The following ABTB2 variants were observed in gnomAD, a reference collection of about 807,000 sequenced individuals.
ABTB2 encodes the protein ankyrin repeat and BTB/POZ domain-containing protein 2.
A neutral mutation model predicts 104.1 loss-of-function variants in ABTB2; 56 were observed. The observed-to-expected ratio is 0.54, with a 90% CI of 0.43 to 0.67. The LOEUF (loss-of-function observed/expected upper bound fraction) is 0.67, where lower values mean the gene tolerates loss of function less well. Among genes scored for constraint, ABTB2 ranks in the 30% least tolerant of loss-of-function variants. The pLI is 0.00. For missense variants in ABTB2, 1,279 were observed against 1,407.7 expected, an observed-to-expected ratio of 0.91 and a Z score of 1.46; for synonymous variants, 606 against 608.2, an observed-to-expected ratio of 1.00 and a Z score of 0.05.
Position 34,167,311 on chromosome 11 carries a change from T to A in ABTB2, c.1703A>T (p.His568Leu), listed in dbSNP as rs1852814060. Reference sequence around the variant, plus strand: ...CACAGCGAATGTCAGTGAGGTCCAGTGCCGGCTGTCGGGGTGGATGGAAGG... The same window carrying A: ...CACAGCGAATGTCAGTGAGGTCCAGAGCCGGCTGTCGGGGTGGATGGAAGG... ...RHPSIHPDSR[H>L]WTSLTFAVLH... Residue 568 changes from histidine to leucine, a missense_variant, in exon 7 of 17, where the codon CAC (histidine) becomes CTC (leucine). Coordinates refer to ENST00000435224, the MANE Select transcript of ABTB2 (RefSeq NM_145804.3). 6.2e-7 allele frequency: 1 copy of A among 1,613,518 alleles called. No homozygotes were observed. The highest frequency in any genetic ancestry group is 2.2e-5 in the East Asian group (1 of 44,866).
intron 3 of ABTB2, among the ~76,000 whole-genome samples, chr11:34,186,265 G>A (rs1447564018): frequency 1.3e-5 from 2 of 152,232 alleles, no homozygotes; most frequent in Non-Finnish European, 2.9e-5. Context: ...CAGTCAAAGC[G>A]GGGAGGGGCA....
intron 1 of ABTB2, among the ~76,000 whole-genome samples, chr11:34,307,018 C>G (rs1397445617): frequency 6.9e-6 from 1 of 145,398 alleles, no homozygotes; most frequent in East Asian, 2.0e-4. Flanking sequence ...AGAAAAAAAG[C>G]AGACGAACTT....
chr11:34,168,123 G>C (rs1590204946), intron 5 of ABTB2, 131 bp from the exon 6 acceptor site: 1 of 899,768 alleles, frequency 1.1e-6, no homozygotes, highest in East Asian at 2.6e-5. Context: ...TGGTCCCCCA[G>C]GCTCTGTGCT....
At chr11:34,307,048 G>A in intron 1 of ABTB2, among the ~76,000 whole-genome samples, 1 of 151,398 alleles carries the variant, frequency 6.6e-6, no homozygotes, top group South Asian at 2.1e-4. Context: ...TCAGTAAAGG[G>A]CCACTGCGTG....
At position 34,170,996 on chromosome 11, in the gene ABTB2, A is replaced by C; in HGVS notation, c.1473T>G (p.Gly491=). 1 of 1,614,122 alleles carries C rather than the reference A, an allele frequency of 6.2e-7. No individual in the cohort carries two copies. The highest frequency in any genetic ancestry group is 2.2e-5 in the East Asian group (1 of 44,884). ...AATEKFNQDL[G]FRMLNCGRTD... ...TCCTCCCACAGTTGAGCATGCGGAA[A>C]CCCAGGTCCTGGTTGAATTTTTCAG... The change falls in exon 5 of 17, where the codon GGT becomes GGG. Residue 491 remains glycine, a synonymous_variant. Transcript: ENST00000435224.
intron 1 of ABTB2, among the ~76,000 whole-genome samples, chr11:34,268,996 T>C (rs1024111772): frequency 1.3e-5 from 2 of 152,114 alleles, no homozygotes; most frequent in African/African-American, 4.8e-5. Context: ...CTTCAACATA[T>C]CTTCTGGGGG....
At chr11:34,316,558 C>A (rs146743625) in intron 1 of ABTB2, among the ~76,000 whole-genome samples, 1 of 152,110 alleles carries the variant, frequency 6.6e-6, no homozygotes, top group Non-Finnish European at 1.5e-5. Flanking sequence ...GAGTGGCAAA[C>A]GTGTTTGTCG....
At chr11:34,290,764 G>T (rs985621968) in intron 1 of ABTB2, among the ~76,000 whole-genome samples, 3 of 152,226 alleles carry the variant, frequency 2.0e-5, no homozygotes, top group Non-Finnish European at 2.9e-5. Context: ...AGTGTGTGCT[G>T]CAGAGGAGAG....
chr11:34,291,024 C>T (rs1218485000), intron 1 of ABTB2, among the ~76,000 whole-genome samples: 1 of 152,230 alleles, frequency 6.6e-6, no homozygotes, highest in Non-Finnish European at 1.5e-5. Context: ...ATCTGAAAGC[C>T]TTCATCTGCC....
intron 1 of ABTB2, among the ~76,000 whole-genome samples, chr11:34,208,643 A>G (rs533210135): frequency 1.3e-5 from 2 of 151,786 alleles, no homozygotes; most frequent in South Asian, 4.2e-4. Context: ...TGCTTGCCCA[A>G]CCCTTGAATC....
chr11:34,257,619 C>T (rs981870173), intron 1 of ABTB2, among the ~76,000 whole-genome samples: 2 of 152,174 alleles, frequency 1.3e-5, no homozygotes, highest in South Asian at 2.1e-4. Flanking sequence ...GACAGGATTT[C>T]GCTCTGTTGC....
chr11:34,260,513 G>A (rs997210927), intron 1 of ABTB2, among the ~76,000 whole-genome samples: 8 of 152,180 alleles, frequency 5.3e-5, no homozygotes, highest in Non-Finnish European at 1.0e-4. Flanking sequence ...AAAGGCAGCG[G>A]AATCCCCAGA....
At chr11:34,257,082 C>T (rs1854132475) in intron 1 of ABTB2, among the ~76,000 whole-genome samples, 1 of 152,214 alleles carries the variant, frequency 6.6e-6, no homozygotes, top group African/African-American at 2.4e-5. Context: ...AGTGCAACTT[C>T]ATTATTCCTC....
At chr11:34,350,910 G>A (rs1287654554) in intron 1 of ABTB2, among the ~76,000 whole-genome samples, 3 of 152,190 alleles carry the variant, frequency 2.0e-5, no homozygotes, top group Non-Finnish European at 2.9e-5. Flanking sequence ...TGGACTCATG[G>A]AGACCTCTCA....
intron 3 of ABTB2, among the ~76,000 whole-genome samples, chr11:34,176,279 CAAAAAAA>C (rs58009507): frequency 2.7e-5 from 2 of 74,830 alleles, no homozygotes; most frequent in East Asian, 4.4e-4. Flanking sequence ...GACTCCGTCT[CAAAAAAA>C]AAAAAAAAAA....
At chr11:34,233,031 G>A (rs998842287) in intron 1 of ABTB2, among the ~76,000 whole-genome samples, 1 of 148,844 alleles carries the variant, frequency 6.7e-6, no homozygotes. Flanking sequence ...CCATCATGCT[G>A]GGAGCCACTG....
chr11:34,356,563 C>A lies in ABTB2; in HGVS notation c.883+138G>T, dbSNP rs1241027625. The stretch of plus-strand genomic sequence containing the variant: ...TCTCTGGCAAGTGCCATGTAATGAA[C>A]CCTATCCTCAGACCAAACGTTTTCT... On this transcript the variant is annotated intron_variant, in intron 1 of 16. Transcript: ENST00000435224. The surrounding 1 kb of genome is among the most constrained non-coding windows in gnomAD (Gnocchi z 4.6). 6.6e-6 allele frequency: 8 copies of A among 1,218,692 alleles called. No individual in the cohort carries two copies. Among genetic ancestry groups the A allele is most frequent in the Non-Finnish European group, 9.0e-6 (8 of 891,514 alleles). 75.5% of individuals were successfully genotyped at this position (1,218,692 alleles called of 1,614,324 possible).
In ABTB2 at chr11:34,165,302, C is replaced by T. The variant is rs868261949; in HGVS notation, c.1810G>A (p.Asp604Asn). Residue 604 changes from aspartate to asparagine, a missense_variant, in exon 8 of 17, where the codon GAC becomes AAC. Physicochemically the swap from Asp to Asn is conservative, Grantham distance 23 (BLOSUM62 1). Transcript: ENST00000435224. ...TGCAGGGGCGTCTCCGCATAGCTGT[C>T]CTCGCCGCCGTTCACTGCCGAGCCC... The part of the protein sequence containing the change: ...VEGSAVNGGE[D>N]SYAETPLQLA... 6.4e-7 allele frequency: 1 copy of T among 1,574,502 alleles called. No individual in the cohort carries two copies. The highest frequency in any genetic ancestry group is 1.7e-4 in the Middle Eastern group (1 of 6,022).
chr11:34,193,434 C>T (rs973376743), intron 3 of ABTB2, among the ~76,000 whole-genome samples: 1 of 152,242 alleles, frequency 6.6e-6, no homozygotes, highest in Non-Finnish European at 1.5e-5. Context: ...CCCAGCATGC[C>T]TCAGTGCTGT....
Sources: gnomAD v4.1 joint callset for allele counts (sites outside exome capture counted in the v4.1 genomes callset) on GRCh38, gnomAD v4.1.1 for gene constraint, Gnocchi (gnomAD v3.1) non-coding constraint, MANE v1.5 for transcripts, NCBI Gene and HGNC (gene_info 2026-07-23, HGNC 2026-07-21) for gene names.